NELL2: variants seen among roughly 807,000 people sequenced by gnomAD.
NELL2 encodes protein kinase C-binding protein NELL2.
In NELL2, 41 loss-of-function variants were observed where a neutral mutation model predicts 109.6. That is an observed-to-expected ratio of 0.37 (90% CI 0.29 to 0.49). NELL2 has a LOEUF of 0.49. NELL2 is among the 20% of genes least tolerant of loss of function. The pLI is 0.98. For missense variants in NELL2, 900 were observed against 1,008.3 expected (o/e 0.89, Z 1.45); for synonymous variants, 355 against 344.7 (o/e 1.03, Z -0.33).
intron 13 of NELL2, among the ~76,000 whole-genome samples, chr12:44,639,108 T>A (rs893439246): frequency 3.9e-5 from 6 of 152,150 alleles, no homozygotes; most frequent in Non-Finnish European, 8.8e-5. Context: ...TTGAGCAAAA[T>A]TTCAAATGCT....
At chr12:44,862,441 T>C (rs1944869535) in intron 2 of NELL2, among the ~76,000 whole-genome samples, 2 of 152,240 alleles carry the variant, frequency 1.3e-5, no homozygotes, top group Admixed American at 6.5e-5. Flanking sequence ...TCTTGAACAG[T>C]TGTTGGCCAA....
At chr12:44,757,806 A>T (rs538790987) in intron 9 of NELL2, among the ~76,000 whole-genome samples, 1 of 152,252 alleles carries the variant, frequency 6.6e-6, no homozygotes, top group East Asian at 1.9e-4. Flanking sequence ...ACAAATGAAC[A>T]GTAAATGTGA....
chr12:44,512,864 A>G (rs1941061870), intron 19 of NELL2, among the ~76,000 whole-genome samples: 1 of 152,050 alleles, frequency 6.6e-6, no homozygotes, highest in African/African-American at 2.4e-5. Context: ...AAAATTACAC[A>G]GCTAGATAGG....
At chr12:44,703,351 G>A (rs1049603361) in intron 12 of NELL2, among the ~76,000 whole-genome samples, 1 of 152,130 alleles carries the variant, frequency 6.6e-6, no homozygotes, top group Non-Finnish European at 1.5e-5. Context: ...TTATCTTCCT[G>A]TTAAGTGATT....
At chr12:44,671,869 A>C (rs1036781387) in intron 12 of NELL2, among the ~76,000 whole-genome samples, 1 of 152,188 alleles carries the variant, frequency 6.6e-6, no homozygotes, top group Non-Finnish European at 1.5e-5. Context: ...CCCTGGGCTT[A>C]AGCTTGTGAG....
At chr12:44,709,758 G>A (rs575821802) in intron 11 of NELL2, among the ~76,000 whole-genome samples, 2 of 152,304 alleles carry the variant, frequency 1.3e-5, no homozygotes, top group African/African-American at 2.4e-5. Context: ...AGATGCCTAA[G>A]TTAGTCATAT....
At chr12:44,582,112 G>A (rs1258609179) in intron 15 of NELL2, among the ~76,000 whole-genome samples, 1 of 152,164 alleles carries the variant, frequency 6.6e-6, no homozygotes, top group African/African-American at 2.4e-5. Context: ...GAGGAGGGTG[G>A]GTAAAGACTG....
At chr12:44,799,510 G>A (rs1408285914) in intron 3 of NELL2, among the ~76,000 whole-genome samples, 2 of 70,166 alleles carry the variant, frequency 2.9e-5, no homozygotes, top group African/African-American at 8.9e-5. Flanking sequence ...ATGGTAGGTT[G>A]AGAAGGGTCA....
At chr12:44,898,870 G>A (rs1945625660) in intron 1 of NELL2, among the ~76,000 whole-genome samples, 1 of 151,828 alleles carries the variant, frequency 6.6e-6, no homozygotes, top group African/African-American at 2.4e-5. Context: ...TAAAGGGTTA[G>A]AGGAACTGCT....
chr12:44,615,021 T>A (rs914210464), intron 13 of NELL2, among the ~76,000 whole-genome samples: 2 of 152,072 alleles, frequency 1.3e-5, no homozygotes. Flanking sequence ...AAAATGATTA[T>A]AAAGTTAAAA....
intron 15 of NELL2, among the ~76,000 whole-genome samples, chr12:44,589,633 C>A (rs932006316): frequency 3.3e-5 from 5 of 152,192 alleles, no homozygotes; most frequent in Non-Finnish European, 7.3e-5. Context: ...CCCACCTTGG[C>A]CTCCCAAAGT....
At chr12:44,520,865 C>A (rs949032246) in intron 18 of NELL2, among the ~76,000 whole-genome samples, 3 of 152,134 alleles carry the variant, frequency 2.0e-5, no homozygotes, top group Non-Finnish European at 4.4e-5. Flanking sequence ...AATTCTGAAT[C>A]TCATGGTTTG....
Position 44,816,117 on chromosome 12 carries a change from T to A in NELL2, c.204A>T (p.Lys68Asn). 6.2e-7 allele frequency: 1 copy of A among 1,609,782 alleles called. No homozygotes were observed. Among genetic ancestry groups the A allele is most frequent in the Non-Finnish European group, 8.5e-7 (1 of 1,178,722 alleles). ...ACTGTTCAGCTGTAGCAGTGGATGC[T>A]TTTATGCTTCTGGGAGTATCTAAAA... ...FLFQDTPRSI[K>N]ASTATAEQFF... The change falls in exon 3 of 20, where the codon AAA (lysine) becomes AAT (asparagine). Residue 68 changes from lysine (K) to asparagine (N), a missense_variant. Transcript: ENST00000429094.
chr12:44,631,264 A>T (rs1946448205), intron 13 of NELL2, among the ~76,000 whole-genome samples: 1 of 148,592 alleles, frequency 6.7e-6, no homozygotes, highest in South Asian at 2.1e-4. Flanking sequence ...TATAAACATT[A>T]TTTTAGATAA....
chr12:44,798,946 CTTTTTTT>C (rs1157006162), intron 3 of NELL2, among the ~76,000 whole-genome samples: 20 of 77,446 alleles, frequency 2.6e-4, no homozygotes, highest in African/African-American at 8.3e-4. Context: ...ATGATTTCCA[CTTTTTTT>C]TTTTTTTTTT....
At chr12:44,909,459 A>G (rs563706080) in intron 1 of NELL2, among the ~76,000 whole-genome samples, 1 of 151,974 alleles carries the variant, frequency 6.6e-6, no homozygotes, top group Non-Finnish European at 1.5e-5. Context: ...ATGGAAATAT[A>G]TGACATGCTC....
chr12:44,803,861 G>C (rs1279100434), intron 3 of NELL2, among the ~76,000 whole-genome samples: 1 of 151,734 alleles, frequency 6.6e-6, no homozygotes, highest in Non-Finnish European at 1.5e-5. Context: ...AATTTTAAAA[G>C]TTATAGCTAG....
intron 9 of NELL2, among the ~76,000 whole-genome samples, chr12:44,761,218 G>A (rs995718791): frequency 2.0e-5 from 3 of 152,014 alleles, no homozygotes; most frequent in South Asian, 2.1e-4. Flanking sequence ...AAAATGAGCC[G>A]GGTGTGGTGC....
At chr12:44,654,007 C>T (rs917584131) in intron 13 of NELL2, among the ~76,000 whole-genome samples, 9 of 152,110 alleles carry the variant, frequency 5.9e-5, no homozygotes, top group African/African-American at 9.7e-5. Flanking sequence ...TCTCTTGAAA[C>T]GTCTGTTCAT....
Sources: gnomAD v4.1 joint callset for allele counts (sites outside exome capture counted in the v4.1 genomes callset) on GRCh38, gnomAD v4.1.1 for gene constraint, MANE v1.5 for transcripts, NCBI Gene and HGNC (gene_info 2026-07-23, HGNC 2026-07-21) for gene names.